PDE3A: variants seen among roughly 807,000 people sequenced by gnomAD.
PDE3A encodes cGMP-inhibited 3',5'-cyclic phosphodiesterase 3A.
In PDE3A, 43 loss-of-function variants were observed where a neutral mutation model predicts 98.3. The observed-to-expected ratio is 0.44, with a 90% CI of 0.34 to 0.56. The LOEUF (loss-of-function observed/expected upper bound fraction) is 0.56, where lower values mean the gene tolerates loss of function less well. Ranked by LOEUF, PDE3A falls within the 20% of genes least tolerant of loss-of-function variation. The pLI is 0.01. For missense variants in PDE3A, 1,427 were observed against 1,440.7 expected (o/e 0.99, Z 0.15); for synonymous variants, 663 against 567.9 (o/e 1.17, Z -2.38).
intron 1 of PDE3A, among the ~76,000 whole-genome samples, chr12:20,394,478 T>G (rs1350568162): frequency 2.0e-5 from 3 of 152,070 alleles, no homozygotes; most frequent in Non-Finnish European, 2.9e-5. Context: ...GAAGTTTTGC[T>G]GTAGTTAACA....
chr12:20,596,952 G>A (rs1943481386), intron 2 of PDE3A, among the ~76,000 whole-genome samples: 1 of 152,044 alleles, frequency 6.6e-6, no homozygotes, highest in African/African-American at 2.4e-5. Flanking sequence ...ACATAGGAAC[G>A]GTACCCAGTA....
intron 1 of PDE3A, among the ~76,000 whole-genome samples, chr12:20,417,818 A>T (rs2120739884): frequency 6.6e-6 from 1 of 152,354 alleles, no homozygotes; most frequent in South Asian, 2.1e-4. Flanking sequence ...GTACTTAGAT[A>T]ATCTCTGAGT....
intron 1 of PDE3A, among the ~76,000 whole-genome samples, chr12:20,516,366 TA>T (rs1403779312): frequency 6.6e-6 from 1 of 152,172 alleles, no homozygotes; most frequent in African/African-American, 2.4e-5. Context: ...AGTGGACATG[TA>T]AAAGAAAAAT....
At chr12:20,625,151 A>C (rs1944231636) in intron 5 of PDE3A, among the ~76,000 whole-genome samples, 1 of 152,246 alleles carries the variant, frequency 6.6e-6, no homozygotes, top group African/African-American at 2.4e-5. Flanking sequence ...AATTTTAAAT[A>C]GCTGAAACAC....
chr12:20,571,392 C>A lies in PDE3A; in HGVS notation c.1011+14682C>A, dbSNP rs112656134. 7.2e-5 allele frequency among the ~76,000 whole-genome samples: 11 copies of A among 152,252 alleles called. 1 individual carries two copies. Among genetic ancestry groups the A allele is most frequent in the African/African-American group, 2.6e-4 (11 of 41,534 alleles). On this transcript the variant is annotated intron_variant, in intron 2 of 15. Coordinates refer to ENST00000359062, the MANE Select transcript of PDE3A (RefSeq NM_000921.5). ...TAATATTGTAAACTCTAAGGAGAGCCATTTACATTATAGTGTACATGAATG... is the reference window on the plus strand; with the variant it reads ...TAATATTGTAAACTCTAAGGAGAGCAATTTACATTATAGTGTACATGAATG...
intron 1 of PDE3A, among the ~76,000 whole-genome samples, chr12:20,437,269 A>G (rs1190498510): frequency 6.6e-6 from 1 of 152,176 alleles, no homozygotes; most frequent in East Asian, 1.9e-4. Flanking sequence ...TGTTATGGCC[A>G]GCATTTGGGA....
At chr12:20,502,215 G>C (rs1269438852) in intron 1 of PDE3A, among the ~76,000 whole-genome samples, 1 of 152,046 alleles carries the variant, frequency 6.6e-6, no homozygotes. Context: ...TAGATTAGCA[G>C]GTCTAGGAAA....
At chr12:20,671,405 A>G (rs1945478178) in intron 15 of PDE3A, among the ~76,000 whole-genome samples, 1 of 152,204 alleles carries the variant, frequency 6.6e-6, no homozygotes, top group South Asian at 2.1e-4. Flanking sequence ...AAAAAAGATA[A>G]TTTTAGACCA....
intron 1 of PDE3A, among the ~76,000 whole-genome samples, chr12:20,505,641 T>A (rs1474168373): frequency 6.6e-6 from 1 of 152,162 alleles, no homozygotes; most frequent in Non-Finnish European, 1.5e-5. Context: ...AGCAGATTTA[T>A]CATGCCATTT....
At chr12:20,407,280 A>G (rs1012738024) in intron 1 of PDE3A, among the ~76,000 whole-genome samples, 4 of 152,370 alleles carry the variant, frequency 2.6e-5, no homozygotes, top group Admixed American at 2.0e-4. Flanking sequence ...CATCTGTCAA[A>G]GTGCCAAACA....
chr12:20,648,598 A>T (rs920863492), intron 12 of PDE3A, 90 bp from the exon 13 acceptor site: 21 of 830,824 alleles, frequency 2.5e-5, no homozygotes, highest in Non-Finnish European at 4.2e-5. Context: ...TTGTATGAAT[A>T]AAAAGCAATT....
chr12:20,550,021 C>G (rs990005496), intron 1 of PDE3A, among the ~76,000 whole-genome samples: 1 of 152,064 alleles, frequency 6.6e-6, no homozygotes, highest in Non-Finnish European at 1.5e-5. Flanking sequence ...AAATCGTCAT[C>G]GTTAAGATAA....
chr12:20,456,470 A>G (rs539132225), intron 1 of PDE3A, among the ~76,000 whole-genome samples: 3 of 152,248 alleles, frequency 2.0e-5, no homozygotes, highest in Non-Finnish European at 2.9e-5. Flanking sequence ...TGATGGAAAC[A>G]TGTATCTCTC....
chr12:20,475,218 T>G (rs1007728622), intron 1 of PDE3A, among the ~76,000 whole-genome samples: 2 of 148,090 alleles, frequency 1.4e-5, no homozygotes, highest in African/African-American at 5.0e-5. Context: ...TGTGTGTGTG[T>G]ATGTTCCTTC....
intron 1 of PDE3A, among the ~76,000 whole-genome samples, chr12:20,444,330 C>T (rs1202427851): frequency 6.6e-6 from 1 of 152,198 alleles, no homozygotes; most frequent in Non-Finnish European, 1.5e-5. Context: ...TAAGACTTCA[C>T]ACTGCTCACT....
rs1218421769 is a variant in PDE3A at position 20,369,495 on chromosome 12, T to A, written c.211T>A (p.Ser71Thr). ...CTCCGCGCTGTGCGCGGGCTCCCTG[T>A]CCTTTCTGCTGGCGCTGCTGGTGAG... ...LSSALCAGSL[S>T]FLLALLVRLV... Residue 71 changes from serine (S) to threonine (T), a missense_variant, in exon 1 of 16, where the codon TCC (serine) becomes ACC (threonine). Ser to Thr is a moderately conservative substitution (Grantham distance 58, BLOSUM62 1). Transcript: ENST00000359062. The A allele has an allele frequency of 1.3e-6, 2 of 1,558,820 alleles. No homozygotes were observed. The highest frequency in any genetic ancestry group is 8.7e-7 in the Non-Finnish European group (1 of 1,151,534).
intron 1 of PDE3A, among the ~76,000 whole-genome samples, chr12:20,554,595 CT>C (rs1011225946): frequency 7.5e-6 from 1 of 133,366 alleles, no homozygotes; most frequent in Non-Finnish European, 1.6e-5. Flanking sequence ...TTTTTTTTTT[CT>C]TTTTTTGTGA....
intron 15 of PDE3A, among the ~76,000 whole-genome samples, chr12:20,665,256 G>C (rs1476677637): frequency 6.6e-6 from 1 of 152,126 alleles, no homozygotes; most frequent in Non-Finnish European, 1.5e-5. Context: ...CAACATTTTG[G>C]TACATATCAG....
rs555699798 is a variant in PDE3A, at chr12:20,485,241, A to G, written c.961-71419A>G. Among the ~76,000 whole-genome samples, 40 of 152,242 alleles carry G rather than the reference A, an allele frequency of 2.6e-4. 1 individual carries two copies. Among genetic ancestry groups the G allele is most frequent in the African/African-American group, 9.4e-4 (39 of 41,548 alleles). ...CTCTCTCCTAGCTTTTGGGGACTCA[A>G]GCATTCCTTGGCTTGTAATGGCATT... On this transcript the variant is annotated intron_variant, in intron 1 of 15. Transcript: ENST00000359062.
Sources: gnomAD v4.1 joint callset for allele counts (sites outside exome capture counted in the v4.1 genomes callset) on GRCh38, gnomAD v4.1.1 for gene constraint, MANE v1.5 for transcripts, NCBI Gene and HGNC (gene_info 2026-07-23, HGNC 2026-07-21) for gene names.